The following PEAK1 variants were observed in gnomAD, a reference collection of about 807,000 sequenced individuals.
The protein encoded by PEAK1 is pseudopodium enriched atypical kinase 1.
Under a neutral mutation model 124.7 loss-of-function variants are expected in PEAK1, and 54 were observed. That is an observed-to-expected ratio of 0.43 (90% CI 0.35 to 0.54). The LOEUF (loss-of-function observed/expected upper bound fraction) is 0.54. Ranked by LOEUF, PEAK1 falls within the 20% of genes least tolerant of loss-of-function variation. The pLI is 0.01. For missense variants in PEAK1, 2,046 were observed against 2,134.5 expected (o/e 0.96, Z 0.82); for synonymous variants, 719 against 760.0 (o/e 0.95, Z 0.89).
At chr15:77,362,038 G>A (rs1241061200) in intron 2 of PEAK1, among the ~76,000 whole-genome samples, 3 of 152,146 alleles carry the variant, frequency 2.0e-5, no homozygotes, top group South Asian at 4.1e-4. Flanking sequence ...GGGAGGGACA[G>A]GGAGAGATTT....
intron 6 of PEAK1, among the ~76,000 whole-genome samples, chr15:77,236,965 G>C (rs2060152719): frequency 1.3e-5 from 2 of 152,132 alleles, no homozygotes; most frequent in African/African-American, 4.8e-5. Context: ...TAATTGTTAA[G>C]TTTCTTGAGG....
chr15:77,235,404 G>T (rs1223284798), intron 6 of PEAK1, among the ~76,000 whole-genome samples: 1 of 152,124 alleles, frequency 6.6e-6, no homozygotes, highest in African/African-American at 2.4e-5. Flanking sequence ...GGCTGAGGTG[G>T]TCTCAGATAG....
In PEAK1 at chr15:77,417,990, G is replaced by A. The variant is rs148185320; in HGVS notation, c.-666+2016C>T. 958 of 968,834 alleles carry A rather than the reference G, an allele frequency of 9.9e-4. 9 individuals carry two copies. In the African/African-American group the frequency reaches 0.015, roughly 15 times the overall value. The allele number at this position is 968,834 out of a possible 1,614,324, so 60.0% of individuals were successfully genotyped here. ...AAGATAAATGTTTATATGAGTACAC[G>A]TATAATGCATTCCAGGAACATATTT... On this transcript the variant is annotated intron_variant, in intron 1 of 9. Coordinates refer to ENST00000682557, the MANE Select transcript of PEAK1 (RefSeq NM_001385026.1).
At chr15:77,325,556 C>T (rs2065519292) in intron 2 of PEAK1, among the ~76,000 whole-genome samples, 2 of 152,060 alleles carry the variant, frequency 1.3e-5, no homozygotes, top group Non-Finnish European at 2.9e-5. Context: ...AGTGATGGGG[C>T]CACTGAAAAG....
chr15:77,213,248 G>A (rs1280135376), intron 6 of PEAK1, among the ~76,000 whole-genome samples: 1 of 152,054 alleles, frequency 6.6e-6, no homozygotes, highest in Non-Finnish European at 1.5e-5. Context: ...TATACACAAA[G>A]AAATTAGCCT....
intron 7 of PEAK1, among the ~76,000 whole-genome samples, chr15:77,175,334 A>C (rs1309895601): frequency 1.3e-5 from 2 of 152,230 alleles, no homozygotes; most frequent in African/African-American, 2.4e-5. Flanking sequence ...AATGGGAGAA[A>C]ATTTTCACAA....
At chr15:77,149,117 G>T (rs1050604842) in intron 8 of PEAK1, among the ~76,000 whole-genome samples, 2 of 152,126 alleles carry the variant, frequency 1.3e-5, no homozygotes, top group Non-Finnish European at 2.9e-5. Context: ...TAAATAGCCA[G>T]CCCACAATCA....
chr15:77,335,135 G>A (rs1290352506), intron 2 of PEAK1: 1 of 985,456 alleles, frequency 1.0e-6, no homozygotes, highest in Non-Finnish European at 1.2e-6. Context: ...AGAGCCAAGA[G>A]AGGGATTTAA....
At chr15:77,132,040 C>T (rs1204747635) in intron 9 of PEAK1, among the ~76,000 whole-genome samples, 2 of 152,046 alleles carry the variant, frequency 1.3e-5, no homozygotes, top group Non-Finnish European at 2.9e-5. Flanking sequence ...TAACAGACCT[C>T]ATATTTTTAG....
intron 9 of PEAK1, among the ~76,000 whole-genome samples, chr15:77,119,281 C>G (rs1254209513): frequency 1.3e-5 from 2 of 152,212 alleles, no homozygotes; most frequent in Non-Finnish European, 2.9e-5. Context: ...TCAAAAGGGA[C>G]AGCCAGTCAG....
Position 77,109,256 on chromosome 15 carries a change from A to G in PEAK1, c.*4900T>C, listed in dbSNP as rs2050851656. The G allele has an allele frequency of 6.6e-6, 1 of 152,238 alleles. No individual in the cohort carries two copies. The highest frequency in any genetic ancestry group is 2.4e-5 in the African/African-American group (1 of 41,466). 9.4% of individuals were successfully genotyped at this position (152,238 alleles called of 1,614,324 possible). A position where few individuals can be genotyped will look rare whatever the true frequency, so the allele number is the denominator to read the frequency against. ...ATAGCCACAGTCATGTCAAGGGGACATGGAAGAGATCCTTCTCCTTAAATA... is the reference window on the plus strand; with the variant it reads ...ATAGCCACAGTCATGTCAAGGGGACGTGGAAGAGATCCTTCTCCTTAAATA... On this transcript the variant is annotated 3_prime_UTR_variant, in exon 10 of 10. Coordinates refer to ENST00000682557, the MANE Select transcript of PEAK1 (RefSeq NM_001385026.1).
chr15:77,242,918 A>G (rs906500283), intron 6 of PEAK1, among the ~76,000 whole-genome samples: 2 of 152,254 alleles, frequency 1.3e-5, no homozygotes, highest in African/African-American at 4.8e-5. Context: ...TACTCTACTT[A>G]TGAAATGAAA....
chr15:77,268,308 C>G (rs765568184), intron 5 of PEAK1, among the ~76,000 whole-genome samples: 20 of 152,182 alleles, frequency 1.3e-4, no homozygotes, highest in Non-Finnish European at 2.2e-4. Context: ...AACCCCATCT[C>G]TCCTAAAATA....
At chr15:77,399,618 G>T (rs940721403) in intron 1 of PEAK1, among the ~76,000 whole-genome samples, 2 of 152,084 alleles carry the variant, frequency 1.3e-5, no homozygotes, top group African/African-American at 2.4e-5. Flanking sequence ...ATAGGCAGAA[G>T]AATGAAACTA....
intron 6 of PEAK1, among the ~76,000 whole-genome samples, chr15:77,222,412 AGT>A (rs969486285): frequency 6.6e-6 from 1 of 152,018 alleles, no homozygotes; most frequent in African/African-American, 2.4e-5. Flanking sequence ...ATACTATCCA[AGT>A]GTTTCATATA....
chr15:77,212,812 T>C (rs1399268865), intron 6 of PEAK1, among the ~76,000 whole-genome samples: 1 of 152,176 alleles, frequency 6.6e-6, no homozygotes, highest in Non-Finnish European at 1.5e-5. Context: ...TTTTATAGAG[T>C]GATATGAGAA....
At chr15:77,159,984 G>C (rs960637947) in intron 7 of PEAK1, among the ~76,000 whole-genome samples, 11 of 152,164 alleles carry the variant, frequency 7.2e-5, no homozygotes, top group African/African-American at 2.2e-4. Context: ...AGTTCCATTA[G>C]GGGATCTGGC....
At chr15:77,274,827 G>GA (rs959993333) in intron 5 of PEAK1, among the ~76,000 whole-genome samples, 2 of 151,436 alleles carry the variant, frequency 1.3e-5, no homozygotes, top group Non-Finnish European at 2.9e-5. Context: ...CTATTCAGAG[G>GA]AAAAAAAAGG....
chr15:77,408,785 T>C (rs1001126086), intron 1 of PEAK1, among the ~76,000 whole-genome samples: 4 of 152,160 alleles, frequency 2.6e-5, no homozygotes, highest in Non-Finnish European at 5.9e-5. Context: ...TATTTAAGAA[T>C]TGAAGCAGGA....
Sources: allele counts gnomAD v4.1 joint callset (sites outside exome capture counted in the v4.1 genomes callset), GRCh38; gene constraint gnomAD v4.1.1; transcripts MANE v1.5; gene names NCBI Gene and HGNC (gene_info 2026-07-23, HGNC 2026-07-21).